Variants in ELOVL5 observed in about 807,000 individuals in gnomAD.
ELOVL5 encodes the protein very long chain fatty acid elongase 5.
A neutral mutation model predicts 38.6 loss-of-function variants in ELOVL5; 8 were observed. That is an observed-to-expected ratio of 0.21 (90% CI 0.12 to 0.37). The LOEUF (loss-of-function observed/expected upper bound fraction) is 0.37. ELOVL5 is among the 10% of genes least tolerant of loss of function. The probability of loss-of-function intolerance (pLI) is 1.00; values close to 1 mark genes in which losing one functional copy is unlikely to be tolerated. For missense variants in ELOVL5, 280 were observed against 367.8 expected, an observed-to-expected ratio of 0.76 and a Z score of 1.95; for synonymous variants, 127 against 133.7, an observed-to-expected ratio of 0.95 and a Z score of 0.34.
At chr6:53,325,564 CA>C in intron 1 of ELOVL5, among the ~76,000 whole-genome samples, 1 of 152,302 alleles carries the variant, frequency 6.6e-6, no homozygotes, top group East Asian at 1.9e-4. Context: ...CACTAGCACC[CA>C]GTCAGAGACA....
rs138885106 is a variant in ELOVL5, at chr6:53,276,145, T to TATA, written c.324+31_324+33dup. ...AATTTATTTTTAAAAACTCAACACT[T>TATA]ATAATAATAAAGTTTCTGAAAAAGA... On this transcript the variant is annotated intron_variant, in intron 4 of 7. Coordinates refer to ENST00000304434, the MANE Select transcript of ELOVL5 (RefSeq NM_021814.5). 7.3e-4 allele frequency: 1,071 copies of TATA among 1,459,270 alleles called. 11 individuals are homozygous for TATA. The African/African-American group carries it at 0.013, about 18-fold the overall frequency. The allele number at this position is 1,459,270 out of a possible 1,614,324, so 90.4% of individuals were successfully genotyped here. A position where few individuals can be genotyped will look rare whatever the true frequency, so the allele number is the denominator to read the frequency against.
intron 6 of ELOVL5, among the ~76,000 whole-genome samples, chr6:53,272,842 C>T (rs938665278): frequency 2.0e-5 from 3 of 152,190 alleles, no homozygotes; most frequent in African/African-American, 7.2e-5. Flanking sequence ...ATACTACTCT[C>T]CAGCTCCTTC....
At chr6:53,320,375 C>T (rs145776084) in intron 1 of ELOVL5, among the ~76,000 whole-genome samples, 3,182 of 151,864 alleles carry the variant, frequency 0.021, 124 homozygotes, top group African/African-American at 0.073. Context: ...TGCGCTCTGT[C>T]GCCCAGGCTG....
intron 1 of ELOVL5, among the ~76,000 whole-genome samples, chr6:53,319,450 A>G (rs1056914552): frequency 6.6e-6 from 1 of 152,214 alleles, no homozygotes; most frequent in Non-Finnish European, 1.5e-5. Context: ...ATAAAAAATT[A>G]GAAACTCTCA....
chr6:53,289,867 C>T (rs554154175), intron 3 of ELOVL5, among the ~76,000 whole-genome samples: 1 of 152,204 alleles, frequency 6.6e-6, no homozygotes, highest in East Asian at 1.9e-4. Context: ...ACTTGGAGCA[C>T]TAGGGCTTAT....
At chr6:53,340,259 A>T (rs954948262) in intron 1 of ELOVL5, among the ~76,000 whole-genome samples, 20 of 152,092 alleles carry the variant, frequency 1.3e-4, no homozygotes, top group South Asian at 1.0e-3. Context: ...ACATATTTTT[A>T]AAAAAACTTT....
At chr6:53,329,141 A>G (rs1464664643) in intron 1 of ELOVL5, among the ~76,000 whole-genome samples, 1 of 152,234 alleles carries the variant, frequency 6.6e-6, no homozygotes, top group African/African-American at 2.4e-5. Context: ...ACTAAGTAGT[A>G]TATAAAGTAC....
At chr6:53,323,205 T>C (rs940160729) in intron 1 of ELOVL5, among the ~76,000 whole-genome samples, 11 of 152,176 alleles carry the variant, frequency 7.2e-5, no homozygotes, top group Admixed American at 1.3e-4. Flanking sequence ...TACAGATACC[T>C]GTAACACACT....
chr6:53,302,621 G>A (rs1011679532), intron 1 of ELOVL5, among the ~76,000 whole-genome samples: 1 of 151,054 alleles, frequency 6.6e-6, no homozygotes, highest in Admixed American at 6.7e-5. Flanking sequence ...GTTTTAAAAG[G>A]TATCAAGATT....
intron 1 of ELOVL5, among the ~76,000 whole-genome samples, chr6:53,315,648 T>A (rs1452628092): frequency 2.0e-5 from 3 of 152,098 alleles, no homozygotes; most frequent in East Asian, 1.9e-4. Context: ...TTTCCGGGGG[T>A]TCCATATCAA....
chr6:53,346,630 G>A (rs553883029), intron 1 of ELOVL5, among the ~76,000 whole-genome samples: 1 of 152,224 alleles, frequency 6.6e-6, no homozygotes, highest in East Asian at 1.9e-4. Context: ...TCTTTTAGGA[G>A]AGAAGAATGT....
At chr6:53,282,844 G>A (rs979391095) in intron 3 of ELOVL5, among the ~76,000 whole-genome samples, 2 of 152,066 alleles carry the variant, frequency 1.3e-5, no homozygotes, top group South Asian at 2.1e-4. Context: ...CCACAATAAC[G>A]TATCTATTTT....
At chr6:53,335,115 C>G (rs1468223079) in intron 1 of ELOVL5, among the ~76,000 whole-genome samples, 1 of 152,222 alleles carries the variant, frequency 6.6e-6, no homozygotes, top group Non-Finnish European at 1.5e-5. Context: ...ATCCACTTCT[C>G]TTGATCCCCA....
At chr6:53,290,943 G>A (rs557411761) in intron 3 of ELOVL5, among the ~76,000 whole-genome samples, 2 of 152,180 alleles carry the variant, frequency 1.3e-5, no homozygotes, top group East Asian at 3.9e-4. Flanking sequence ...TGCCTGTATA[G>A]GTTTTATCCA....
At chr6:53,341,701 T>C (rs9349665) in intron 1 of ELOVL5, among the ~76,000 whole-genome samples, 30,747 of 152,198 alleles carry the variant, frequency 0.2, 3,313 homozygotes, top group East Asian at 0.33. Context: ...TGCCCAGCTG[T>C]AGCATGATTT....
chr6:53,305,010 A>T (rs1044157979), intron 1 of ELOVL5, among the ~76,000 whole-genome samples: 2 of 150,528 alleles, frequency 1.3e-5, no homozygotes, highest in Non-Finnish European at 3.0e-5. Flanking sequence ...GGCCAGGCAG[A>T]GGCGCCCCTC....
At chr6:53,271,004 T>A (rs1765899073) in intron 6 of ELOVL5, among the ~76,000 whole-genome samples, 1 of 152,196 alleles carries the variant, frequency 6.6e-6, no homozygotes, top group South Asian at 2.1e-4. Flanking sequence ...CCAAGACTTT[T>A]TGTTTTTATT....
intron 1 of ELOVL5, among the ~76,000 whole-genome samples, chr6:53,323,576 CT>C (rs3063792): frequency 7.7e-4 from 63 of 81,544 alleles, no homozygotes; most frequent in Non-Finnish European, 1.1e-3. Flanking sequence ...TACTAGCCAG[CT>C]TTTTTTTTTT....
rs117242008 is a variant in ELOVL5, at chr6:53,338,138, T to C, written c.-9+10679A>G. ...TGGATATTTGAATCCATGGGGCAAG[T>C]AGATCATGCAATGAGATTTGGTCTT... On this transcript the variant is annotated intron_variant, in intron 1 of 7. Transcript: ENST00000304434. Among the ~76,000 whole-genome samples the C allele has an allele frequency of 1.1e-3, 168 of 152,296 alleles. 1 individual carries two copies. In the East Asian group the frequency reaches 0.016, roughly 15 times the overall value.
Sources: allele counts gnomAD v4.1 joint callset (sites outside exome capture counted in the v4.1 genomes callset), GRCh38; gene constraint gnomAD v4.1.1; transcripts MANE v1.5; gene names NCBI Gene and HGNC (gene_info 2026-07-23, HGNC 2026-07-21).